Variants in SLC35F3 observed in about 807,000 individuals in gnomAD.
SLC35F3 encodes putative thiamine transporter SLC35F3.
SLC35F3 carries 25 observed loss-of-function variants against 49.9 expected under a neutral mutation model. The ratio of observed to expected loss-of-function variants is 0.50; its 90% CI spans 0.37 to 0.70. SLC35F3 has a LOEUF of 0.70. SLC35F3 is among the 30% of genes least tolerant of loss of function. The pLI is 0.00. For synonymous variants in SLC35F3, 275 were observed against 265.4 expected (o/e 1.04, Z -0.35); for missense variants, 525 against 639.8 (o/e 0.82, Z 1.94).
chr1:234,175,773 G>A (rs969077007), intron 2 of SLC35F3, among the ~76,000 whole-genome samples: 2 of 152,078 alleles, frequency 1.3e-5, no homozygotes, highest in Admixed American at 1.3e-4. Context: ...GCTCTCTGCA[G>A]AGGACAGAGG....
chr1:234,165,540 C>G (rs544960196), intron 2 of SLC35F3, among the ~76,000 whole-genome samples: 7 of 152,044 alleles, frequency 4.6e-5, no homozygotes, highest in Non-Finnish European at 8.8e-5. Flanking sequence ...CTTAGAACCT[C>G]TTTACATTAT....
chr1:234,270,610 G>A (rs961429746), intron 3 of SLC35F3, among the ~76,000 whole-genome samples: 2 of 152,242 alleles, frequency 1.3e-5, no homozygotes, highest in South Asian at 2.1e-4. Flanking sequence ...CTTGGAGAAA[G>A]TGGTAATTGC....
At chr1:234,183,295 G>A (rs752820533) in intron 2 of SLC35F3, among the ~76,000 whole-genome samples, 6 of 143,076 alleles carry the variant, frequency 4.2e-5, no homozygotes, top group Non-Finnish European at 3.0e-5. Context: ...GGGACTACAC[G>A]CGTGAGCCAC....
chr1:233,927,495 G>A (rs770033248), intron 2 of SLC35F3, among the ~76,000 whole-genome samples: 64 of 152,034 alleles, frequency 4.2e-4, no homozygotes, highest in Non-Finnish European at 1.2e-4. Context: ...ATGGGCACGT[G>A]TACTACTTAA....
At chr1:234,073,558 A>G (rs571147692) in intron 2 of SLC35F3, among the ~76,000 whole-genome samples, 4 of 152,302 alleles carry the variant, frequency 2.6e-5, no homozygotes, top group African/African-American at 9.6e-5. Flanking sequence ...GACTGTGAAC[A>G]AACCATTCAG....
chr1:233,960,934 A>G (rs1662789585), intron 2 of SLC35F3, among the ~76,000 whole-genome samples: 1 of 149,900 alleles, frequency 6.7e-6, no homozygotes, highest in Non-Finnish European at 1.5e-5. Context: ...GTGGCTCCAC[A>G]CACCTGCACC....
At chr1:234,206,222 A>T (rs1666967428) in intron 2 of SLC35F3, among the ~76,000 whole-genome samples, 1 of 151,964 alleles carries the variant, frequency 6.6e-6, no homozygotes, top group Admixed American at 6.6e-5. Context: ...TTATATGATG[A>T]GTGGAGCAGC....
At chr1:234,181,365 AAAAAG>A (rs1397806565) in intron 2 of SLC35F3, among the ~76,000 whole-genome samples, 1 of 151,658 alleles carries the variant, frequency 6.6e-6, no homozygotes, top group East Asian at 1.9e-4. Flanking sequence ...AGAAAGAAAG[AAAAAG>A]AAAAGAAAAA....
intron 2 of SLC35F3, among the ~76,000 whole-genome samples, chr1:234,086,150 G>A (rs1405435959): frequency 6.6e-6 from 1 of 152,202 alleles, no homozygotes; most frequent in Non-Finnish European, 1.5e-5. Flanking sequence ...CATTTGAAGT[G>A]CTCATGTCTA....
intron 2 of SLC35F3, among the ~76,000 whole-genome samples, chr1:233,921,660 T>A (rs552756262): frequency 4.2e-4 from 64 of 152,256 alleles, no homozygotes; most frequent in African/African-American, 1.5e-3. Flanking sequence ...TTTCTTTTTT[T>A]TTATTATTAT....
chr1:234,324,257 A>G lies in SLC35F3; in HGVS notation c.*1014A>G, dbSNP rs554924213. 4 of 152,262 alleles carry G rather than the reference A, an allele frequency of 2.6e-5. No homozygotes were observed. The highest frequency in any genetic ancestry group is 5.9e-5 in the Non-Finnish European group (4 of 68,044). 9.4% of individuals were successfully genotyped at this position (152,262 alleles called of 1,614,324 possible). A position where few individuals can be genotyped will look rare whatever the true frequency, so the allele number is the denominator to read the frequency against. ...ACTTACACAATTTAGGTCTGCCAGA[A>G]AATTCTATCTGTGATAGATCTGTAA... On this transcript the variant is annotated 3_prime_UTR_variant, in exon 8 of 8. Coordinates refer to ENST00000366618, the MANE Select transcript of SLC35F3 (RefSeq NM_173508.4).
rs139540465 is a variant in SLC35F3 at position 233,934,622 on chromosome 1, C to T, written c.283+28864C>T. On this transcript the variant is annotated intron_variant, in intron 2 of 7. Coordinates refer to ENST00000366618, the MANE Select transcript of SLC35F3 (RefSeq NM_173508.4). ...GAAATGAATGTTAATTATAAGTGTACAGCTTGATGAATTATTACAAAATGA... is the reference window on the plus strand; with the variant it reads ...GAAATGAATGTTAATTATAAGTGTATAGCTTGATGAATTATTACAAAATGA... Among the ~76,000 whole-genome samples the T allele has an allele frequency of 2.3e-3, 347 of 152,224 alleles. 13 individuals are homozygous for T. In the East Asian group the frequency reaches 0.055, roughly 24 times the overall value.
intron 2 of SLC35F3, among the ~76,000 whole-genome samples, chr1:233,977,233 T>C (rs546266881): frequency 3.9e-5 from 6 of 152,358 alleles, no homozygotes; most frequent in Non-Finnish European, 7.3e-5. Context: ...CCTTAAGTTG[T>C]TGCAAATATT....
chr1:233,920,374 G>A (rs1199910306), intron 2 of SLC35F3, among the ~76,000 whole-genome samples: 1 of 152,242 alleles, frequency 6.6e-6, no homozygotes, highest in Non-Finnish European at 1.5e-5. Context: ...ATTTCAAATA[G>A]TATTTGTGAG....
At chr1:233,973,986 T>C (rs921593649) in intron 2 of SLC35F3, among the ~76,000 whole-genome samples, 1 of 152,134 alleles carries the variant, frequency 6.6e-6, no homozygotes, top group African/African-American at 2.4e-5. Context: ...ATACTGATTT[T>C]TGATTATTTC....
chr1:233,999,367 C>A (rs1038261616), intron 2 of SLC35F3, among the ~76,000 whole-genome samples: 3 of 152,136 alleles, frequency 2.0e-5, no homozygotes, highest in African/African-American at 7.2e-5. Flanking sequence ...CTCCATTCAG[C>A]ACGTCACAAG....
chr1:234,306,076 T>G (rs1000577534), intron 3 of SLC35F3, among the ~76,000 whole-genome samples: 2 of 152,210 alleles, frequency 1.3e-5, no homozygotes, highest in African/African-American at 2.4e-5. Context: ...AGAAATGGAT[T>G]CATGTTCATC....
intron 2 of SLC35F3, among the ~76,000 whole-genome samples, chr1:233,940,200 A>G (rs549085013): frequency 5.3e-5 from 8 of 152,194 alleles, no homozygotes; most frequent in Non-Finnish European, 8.8e-5. Context: ...TTATGTATGC[A>G]CACACACACA....
At chr1:234,258,274 T>A (rs1262323809) in intron 3 of SLC35F3, among the ~76,000 whole-genome samples, 1 of 152,096 alleles carries the variant, frequency 6.6e-6, no homozygotes, top group African/African-American at 2.4e-5. Context: ...TGGGCGGGAG[T>A]TCACAGGACT....
Sources: allele counts gnomAD v4.1 joint callset (sites outside exome capture counted in the v4.1 genomes callset), GRCh38; gene constraint gnomAD v4.1.1; transcripts MANE v1.5; gene names NCBI Gene and HGNC (gene_info 2026-07-23, HGNC 2026-07-21).